LRRC37A2: variants seen among roughly 807,000 people sequenced by gnomAD.
LRRC37A2 encodes the protein leucine rich repeat containing 37 member A2.
LRRC37A2 carries 9 observed loss-of-function variants against 68.8 expected under a neutral mutation model. The observed-to-expected ratio is 0.13, with a 90% CI of 0.08 to 0.23. The LOEUF (loss-of-function observed/expected upper bound fraction) is 0.23. Among genes scored for constraint, LRRC37A2 ranks in the 10% least tolerant of loss-of-function variants. LRRC37A2 has a pLI of 1.00. For synonymous variants in LRRC37A2, 63 were observed against 367.6 expected (o/e 0.17, Z 9.48); for missense variants, 168 against 950.4 (o/e 0.18, Z 10.82).
the LRRC37A2 span, among the ~76,000 whole-genome samples, chr17:46,752,133 C>T: frequency 6.6e-6 from 1 of 152,294 alleles, no homozygotes; most frequent in South Asian, 2.1e-4. Flanking sequence ...GGCTGGGCTC[C>T]TAGAAATTTC....
chr17:46,941,942 T>G, the LRRC37A2 span: 2 of 985,222 alleles, frequency 2.0e-6, no homozygotes, highest in African/African-American at 3.5e-5. Flanking sequence ...ACAGAAAGCT[T>G]CTGTCTCAAA....
At chr17:46,718,671 C>T in the LRRC37A2 span, among the ~76,000 whole-genome samples, 7 of 152,168 alleles carry the variant, frequency 4.6e-5, no homozygotes, top group African/African-American at 1.7e-4. Context: ...CCACACTGAC[C>T]GGCCGAATGA....
chr17:46,488,740 C>T, the LRRC37A2 span, among the ~76,000 whole-genome samples: 7 of 142,794 alleles, frequency 4.9e-5, no homozygotes, highest in East Asian at 2.0e-4. Flanking sequence ...TGAAACATCC[C>T]GAAACCACCT....
chr17:47,000,053 TAA>T, the LRRC37A2 span, among the ~76,000 whole-genome samples: 6 of 30,070 alleles, frequency 2.0e-4, no homozygotes, highest in Non-Finnish European at 4.5e-4. Flanking sequence ...TAAAATAAAA[TAA>T]AATAAAATTA....
chr17:46,804,922 C>G, the LRRC37A2 span, among the ~76,000 whole-genome samples: 1 of 136,500 alleles, frequency 7.3e-6, no homozygotes. Context: ...CCCGCCCACC[C>G]CCCCCACCCC....
chr17:46,799,217 A>G, the LRRC37A2 span, among the ~76,000 whole-genome samples: 16,266 of 152,070 alleles, frequency 0.11, 913 homozygotes, highest in Middle Eastern at 0.13. Flanking sequence ...CTTCTGCCAC[A>G]TGCCTCCCCA....
chr17:46,779,516 A>G, the LRRC37A2 span, among the ~76,000 whole-genome samples: 2 of 152,198 alleles, frequency 1.3e-5, no homozygotes, highest in Non-Finnish European at 2.9e-5. Context: ...AGCTGGGCCG[A>G]GGACACACAC....
the LRRC37A2 span, among the ~76,000 whole-genome samples, chr17:46,770,300 G>T: frequency 3.0e-3 from 455 of 152,338 alleles, 2 homozygotes; most frequent in Non-Finnish European, 4.8e-3. Context: ...AAATGCCACA[G>T]GGCAAAGCAG....
At chr17:46,951,667 CA>C in the LRRC37A2 span, among the ~76,000 whole-genome samples, 2 of 152,216 alleles carry the variant, frequency 1.3e-5, no homozygotes, top group Non-Finnish European at 2.9e-5. Context: ...CCCCTCTGCA[CA>C]ACCTCCCAGG....
the LRRC37A2 span, among the ~76,000 whole-genome samples, chr17:46,953,407 G>A: frequency 3.3e-5 from 5 of 152,236 alleles, no homozygotes; most frequent in African/African-American, 7.2e-5. Flanking sequence ...ATAGTATTCC[G>A]TGGTGTATAT....
the LRRC37A2 span, among the ~76,000 whole-genome samples, chr17:46,492,127 C>G: frequency 1.3e-5 from 2 of 151,344 alleles, no homozygotes; most frequent in African/African-American, 4.9e-5. Flanking sequence ...CTACGCCTGG[C>G]TAATTTTTGG....
chr17:46,786,298 C>T, the LRRC37A2 span, among the ~76,000 whole-genome samples: 1 of 152,078 alleles, frequency 6.6e-6, no homozygotes, highest in South Asian at 2.1e-4. Flanking sequence ...TGGAGGGGTC[C>T]TGCACCCCTG....
chr17:46,943,244 A>G, the LRRC37A2 span, among the ~76,000 whole-genome samples: 5 of 152,172 alleles, frequency 3.3e-5, no homozygotes, highest in African/African-American at 1.2e-4. Context: ...TCTGGATCAG[A>G]AGGAGCCAGA....
chr17:46,855,269 T>G, the LRRC37A2 span, among the ~76,000 whole-genome samples: 1 of 152,234 alleles, frequency 6.6e-6, no homozygotes, highest in East Asian at 1.9e-4. Context: ...TAATTGACTC[T>G]TTTAGACTCT....
At chr17:46,942,029 C>CA in the LRRC37A2 span, 1 of 868,238 alleles carries the variant, frequency 1.2e-6, no homozygotes, top group Non-Finnish European at 1.4e-6. Flanking sequence ...TACCTTAGTC[C>CA]AAAAAAGATT....
the LRRC37A2 span, among the ~76,000 whole-genome samples, chr17:46,746,386 A>G: frequency 2.6e-4 from 40 of 152,324 alleles, no homozygotes; most frequent in African/African-American, 8.7e-4. Flanking sequence ...CAGCAGGTGG[A>G]TAAAAACAAT....
At chr17:46,904,170 A>AGATGGGTG in the LRRC37A2 span, among the ~76,000 whole-genome samples, 39 of 127,290 alleles carry the variant, frequency 3.1e-4, no homozygotes, top group Middle Eastern at 5.3e-3. Flanking sequence ...ATTAGTGGGT[A>AGATGGGTG]GATGGGTGGA....
the LRRC37A2 span, among the ~76,000 whole-genome samples, chr17:46,833,624 G>A: frequency 2.0e-5 from 3 of 152,278 alleles, no homozygotes; most frequent in East Asian, 3.9e-4. Context: ...GAGTGAGTGA[G>A]GGTGTGTGTG....
the LRRC37A2 span, among the ~76,000 whole-genome samples, chr17:46,760,708 CCTAAT>C: frequency 3.3e-5 from 5 of 151,658 alleles, no homozygotes; most frequent in Admixed American, 2.0e-4. Context: ...GTCGAGCATC[CCTAAT>C]CTAAAAATCC....
Sources: allele counts gnomAD v4.1 joint callset (sites outside exome capture counted in the v4.1 genomes callset), GRCh38; gene constraint gnomAD v4.1.1; transcripts MANE v1.5; gene names NCBI Gene and HGNC (gene_info 2026-07-23, HGNC 2026-07-21).